Variants in CLASP2 observed in about 807,000 individuals in gnomAD.
CLASP2 encodes the protein cytoplasmic linker associated protein 2.
A neutral mutation model predicts 194.4 loss-of-function variants in CLASP2; 47 were observed. That is an observed-to-expected ratio of 0.24 (90% CI 0.19 to 0.31). The LOEUF (loss-of-function observed/expected upper bound fraction) is 0.31. Ranked by LOEUF, CLASP2 falls within the 10% of genes least tolerant of loss-of-function variation. The probability of loss-of-function intolerance (pLI) is 1.00; values close to 1 mark genes in which losing one functional copy is unlikely to be tolerated. For missense variants in CLASP2, 1,445 were observed against 1,823.6 expected (o/e 0.79, Z 3.78); for synonymous variants, 619 against 633.5 (o/e 0.98, Z 0.34).
chr3:33,572,008 C>T (rs1158025763), intron 25 of CLASP2, among the ~76,000 whole-genome samples: 1 of 152,180 alleles, frequency 6.6e-6, no homozygotes. Flanking sequence ...AGAAATTTTA[C>T]ATATGGCATT....
At chr3:33,661,968 G>A (rs763612817) in intron 7 of CLASP2, among the ~76,000 whole-genome samples, 1 of 152,056 alleles carries the variant, frequency 6.6e-6, no homozygotes, top group African/African-American at 2.4e-5. Context: ...AAAACATTAT[G>A]ACCAATATGA....
At chr3:33,556,635 C>A (rs2060983258) in intron 29 of CLASP2, among the ~76,000 whole-genome samples, 1 of 152,040 alleles carries the variant, frequency 6.6e-6, no homozygotes, top group African/African-American at 2.4e-5. Flanking sequence ...CATGGTTTCA[C>A]CATGCTGGCC....
intron 8 of CLASP2, among the ~76,000 whole-genome samples, chr3:33,635,997 G>A (rs2080070167): frequency 6.6e-6 from 1 of 152,204 alleles, no homozygotes; most frequent in Admixed American, 6.5e-5. Flanking sequence ...AGAGGAAACT[G>A]TGTAGAAAAG....
At chr3:33,498,784 ATAT>A in intron 38 of CLASP2, 67 bp from the exon 39 acceptor site, 1 of 961,968 alleles carries the variant, frequency 1.0e-6, no homozygotes, top group South Asian at 1.4e-5. Context: ...ACTCATTAAA[ATAT>A]TATATACATA....
At chr3:33,636,929 T>A (rs1033554080) in intron 8 of CLASP2, among the ~76,000 whole-genome samples, 7 of 152,240 alleles carry the variant, frequency 4.6e-5, no homozygotes, top group Middle Eastern at 3.4e-3. Flanking sequence ...CAAAATCACC[T>A]GAGAAATAAA....
At chr3:33,548,763 CTTTTTTTTTTT>C (rs57112524) in intron 30 of CLASP2, among the ~76,000 whole-genome samples, 66 of 93,116 alleles carry the variant, frequency 7.1e-4, no homozygotes, top group South Asian at 3.8e-4. Context: ...GGTTTCATTT[CTTTTTTTTTTT>C]TTTTTTTTTT....
chr3:33,549,046 C>G (rs1429877368), intron 30 of CLASP2, among the ~76,000 whole-genome samples: 1 of 145,106 alleles, frequency 6.9e-6, no homozygotes, highest in African/African-American at 2.9e-5. Context: ...TGTGAGCCAC[C>G]ACACCCAGGT....
chr3:33,504,841 G>T (rs959696855), intron 37 of CLASP2: 2 of 152,606 alleles, frequency 1.3e-5, no homozygotes, highest in African/African-American at 4.8e-5. Flanking sequence ...AGGAGGCGAA[G>T]CTCAGGTGGT....
rs147452542 is a variant in CLASP2, at chr3:33,645,569, C to T, written c.716-666G>A. 225 of 425,376 alleles carry T rather than the reference C, an allele frequency of 5.3e-4. No individual in the cohort carries two copies. The Admixed American group carries it at 7.1e-3, about 13-fold the overall frequency. 26.4% of individuals were successfully genotyped at this position (425,376 alleles called of 1,614,324 possible). On this transcript the variant is annotated intron_variant, in intron 7 of 38. Coordinates refer to ENST00000682230, the MANE Select transcript of CLASP2 (RefSeq NM_001365631.1). ...TGAAAGGTAAAAATTCTCCATGCAT[C>T]TAAAAAATTCTCTATTAGCTATAAT...
At chr3:33,544,657 C>A (rs374232011) in intron 31 of CLASP2, 41 bp downstream of exon 31, 165 of 1,549,354 alleles carry the variant, frequency 1.1e-4, no homozygotes, top group Non-Finnish European at 1.3e-4. Flanking sequence ...TTAAATCAAC[C>A]ATCACATTAT....
intron 7 of CLASP2, among the ~76,000 whole-genome samples, chr3:33,657,457 A>C (rs1032623352): frequency 6.6e-6 from 1 of 152,116 alleles, no homozygotes; most frequent in Non-Finnish European, 1.5e-5. Flanking sequence ...GTTATGTATT[A>C]TTTGAAAAAA....
intron 6 of CLASP2, among the ~76,000 whole-genome samples, chr3:33,677,000 T>C (rs1201027595): frequency 2.0e-5 from 3 of 152,224 alleles, no homozygotes; most frequent in Admixed American, 6.5e-5. Context: ...AAAACTACAA[T>C]GAGATATCAT....
chr3:33,617,373 C>G (rs1000221313), intron 12 of CLASP2, among the ~76,000 whole-genome samples: 1 of 152,014 alleles, frequency 6.6e-6, no homozygotes, highest in Non-Finnish European at 1.5e-5. Flanking sequence ...ATTCACCACA[C>G]GCTACTGGCT....
intron 8 of CLASP2, among the ~76,000 whole-genome samples, chr3:33,634,335 G>A (rs1417612291): frequency 6.6e-6 from 1 of 152,156 alleles, no homozygotes; most frequent in East Asian, 1.9e-4. Context: ...ATGGTATGAT[G>A]GTATCAGGGA....
intron 8 of CLASP2, among the ~76,000 whole-genome samples, chr3:33,639,283 C>T (rs2080833249): frequency 6.6e-6 from 1 of 152,132 alleles, no homozygotes; most frequent in African/African-American, 2.4e-5. Flanking sequence ...GTTTCGAACT[C>T]CTGGGCTCAA....
intron 34 of CLASP2, among the ~76,000 whole-genome samples, chr3:33,529,669 C>T (rs2055640996): frequency 6.6e-6 from 1 of 152,180 alleles, no homozygotes; most frequent in Non-Finnish European, 1.5e-5. Flanking sequence ...CTGTCTTCCA[C>T]CTCCACATCT....
chr3:33,520,036 CAG>C (rs969439777), intron 34 of CLASP2, among the ~76,000 whole-genome samples: 3 of 151,974 alleles, frequency 2.0e-5, no homozygotes, highest in Admixed American at 2.0e-4. Flanking sequence ...TTTTCTGAGA[CAG>C]AGTCTTGCTC....
At chr3:33,576,327 G>A in intron 23 of CLASP2, 52 bp from the exon 24 acceptor site, 1 of 1,441,660 alleles carries the variant, frequency 6.9e-7, no homozygotes, top group Non-Finnish European at 9.7e-7. Context: ...AAATATAACA[G>A]TGTCAGGTTG....
intron 9 of CLASP2, among the ~76,000 whole-genome samples, chr3:33,630,189 A>G (rs2078808856): frequency 6.6e-6 from 1 of 152,212 alleles, no homozygotes; most frequent in African/African-American, 2.4e-5. Context: ...TAGGAAAATA[A>G]TAATAGCTAA....
Sources: allele counts gnomAD v4.1 joint callset (sites outside exome capture counted in the v4.1 genomes callset), GRCh38; gene constraint gnomAD v4.1.1; transcripts MANE v1.5; gene names NCBI Gene and HGNC (gene_info 2026-07-23, HGNC 2026-07-21).